The following MIPEP variants were observed in gnomAD, a reference collection of about 807,000 sequenced individuals.
MIPEP encodes the protein mitochondrial intermediate peptidase.
MIPEP carries 79 observed loss-of-function variants against 90.3 expected under a neutral mutation model. The ratio of observed to expected loss-of-function variants is 0.87; its 90% confidence interval spans 0.73 to 1.05. The LOEUF is 1.05. Ranked by LOEUF, MIPEP falls within the 50% of genes least tolerant of loss-of-function variation. MIPEP has a pLI of 0.00. For missense variants in MIPEP, 940 were observed against 905.6 expected (o/e 1.04, Z -0.49); for synonymous variants, 334 against 315.8 (o/e 1.06, Z -0.61).
chr13:23,731,422 G>A (rs903272677), intron 18 of MIPEP, among the ~76,000 whole-genome samples: 1 of 152,124 alleles, frequency 6.6e-6, no homozygotes, highest in Non-Finnish European at 1.5e-5. Context: ...GAGAGTAGTC[G>A]GCTGGGCAGA....
chr13:23,849,810 C>G (rs1869724968), intron 10 of MIPEP, among the ~76,000 whole-genome samples: 1 of 152,220 alleles, frequency 6.6e-6, no homozygotes, highest in African/African-American at 2.4e-5. Context: ...CAATGGATCA[C>G]TGTATTTATG....
At chr13:23,780,555 C>T (rs1555233105) in intron 16 of MIPEP, among the ~76,000 whole-genome samples, 1 of 152,236 alleles carries the variant, frequency 6.6e-6, no homozygotes, top group Non-Finnish European at 1.5e-5. Flanking sequence ...GCCTCTCCCC[C>T]TCCAAAGGAA....
At chr13:23,769,012 A>C (rs1952622038) in intron 16 of MIPEP, among the ~76,000 whole-genome samples, 2 of 152,242 alleles carry the variant, frequency 1.3e-5, no homozygotes, top group South Asian at 2.1e-4. Flanking sequence ...AATGAAAAAC[A>C]ACCACCACAG....
intron 18 of MIPEP, among the ~76,000 whole-genome samples, chr13:23,734,072 T>C (rs1187808151): frequency 6.6e-6 from 1 of 152,240 alleles, no homozygotes; most frequent in Non-Finnish European, 1.5e-5. Context: ...AATCTGATTA[T>C]AAATCAGGTT....
At chr13:23,731,697 T>C (rs950340745) in intron 18 of MIPEP, among the ~76,000 whole-genome samples, 4 of 152,174 alleles carry the variant, frequency 2.6e-5, no homozygotes, top group Admixed American at 6.5e-5. Context: ...AGACAAATGA[T>C]AGTTGGAAAA....
At chr13:23,869,256 C>T (rs201511254) in intron 7 of MIPEP, 36 bp downstream of exon 7, 531 of 1,521,020 alleles carry the variant, frequency 3.5e-4, no homozygotes, top group Non-Finnish European at 4.2e-4. Context: ...CATAAAAATC[C>T]TATTTTGCCC....
intron 16 of MIPEP, among the ~76,000 whole-genome samples, chr13:23,802,135 T>C (rs1294587832): frequency 2.0e-5 from 3 of 152,198 alleles, no homozygotes; most frequent in African/African-American, 4.8e-5. Flanking sequence ...AATTGTTTTA[T>C]TTTTTGCCAA....
At chr13:23,882,571 C>A (rs1871314339) in intron 2 of MIPEP, among the ~76,000 whole-genome samples, 1 of 152,046 alleles carries the variant, frequency 6.6e-6, no homozygotes, top group Non-Finnish European at 1.5e-5. Flanking sequence ...AGTGACAGTT[C>A]TTTTTTAAAA....
chr13:23,785,552 C>T (rs1303015554), intron 16 of MIPEP, among the ~76,000 whole-genome samples: 6 of 149,198 alleles, frequency 4.0e-5, no homozygotes, highest in African/African-American at 1.5e-4. Flanking sequence ...TGCAGCACAC[C>T]AACATGGCAC....
chr13:23,747,729 T>C (rs1952398872), intron 18 of MIPEP, among the ~76,000 whole-genome samples: 1 of 152,172 alleles, frequency 6.6e-6, no homozygotes, highest in Non-Finnish European at 1.5e-5. Context: ...CCCATTGTAA[T>C]CATCACAACT....
intron 14 of MIPEP, among the ~76,000 whole-genome samples, chr13:23,833,812 T>C (rs1229308377): frequency 1.3e-5 from 2 of 152,164 alleles, no homozygotes; most frequent in Non-Finnish European, 1.5e-5. Flanking sequence ...ACGCCCTGTG[T>C]TCGCGCCCCT....
At chr13:23,739,022 C>T (rs1952295654) in intron 18 of MIPEP, among the ~76,000 whole-genome samples, 1 of 152,206 alleles carries the variant, frequency 6.6e-6, no homozygotes, top group African/African-American at 2.4e-5. Flanking sequence ...CAACTGGCAA[C>T]TATAACTTGA....
chr13:23,749,059 A>AAG (rs1275594735), intron 18 of MIPEP, among the ~76,000 whole-genome samples: 1 of 152,236 alleles, frequency 6.6e-6, no homozygotes, highest in African/African-American at 2.4e-5. Flanking sequence ...CATAAATGCT[A>AAG]ACTGCATGCT....
intron 4 of MIPEP, among the ~76,000 whole-genome samples, chr13:23,878,512 A>G (rs1394830615): frequency 6.6e-6 from 1 of 152,246 alleles, no homozygotes; most frequent in Non-Finnish European, 1.5e-5. Context: ...TCAAGTTGTC[A>G]GAGGAAGTGT....
At chr13:23,879,118 A>C (rs1016505805) in intron 4 of MIPEP, 150 bp downstream of exon 4, 28 of 624,602 alleles carry the variant, frequency 4.5e-5, no homozygotes, top group Admixed American at 5.3e-5. Flanking sequence ...ATTTGAGTGG[A>C]GTCCTAGAGA....
At chr13:23,862,183 G>C (rs560895508) in intron 9 of MIPEP, 119 bp downstream of exon 9, 1 of 668,428 alleles carries the variant, frequency 1.5e-6, no homozygotes, top group Non-Finnish European at 2.7e-6. Flanking sequence ...CAAAACCGAG[G>C]ATCAGAAACA....
intron 11 of MIPEP, among the ~76,000 whole-genome samples, chr13:23,840,302 C>T (rs6490832): frequency 0.98 from 149,675 of 152,294 alleles, 73,612 homozygotes; most frequent in East Asian, 1. Context: ...TGCTTTAAAA[C>T]TACCTGCAAG....
intron 14 of MIPEP, among the ~76,000 whole-genome samples, chr13:23,810,451 C>T (rs548620145): frequency 6.6e-6 from 1 of 152,320 alleles, no homozygotes; most frequent in South Asian, 2.1e-4. Context: ...AGAGCTTGGA[C>T]ACTTAGTTTA....
chr13:23,786,291 A>T (rs1413805050), intron 16 of MIPEP, among the ~76,000 whole-genome samples: 1 of 152,218 alleles, frequency 6.6e-6, no homozygotes, highest in Non-Finnish European at 1.5e-5. Context: ...ACAAATTTAC[A>T]TAATTAAAGA....
Sources: allele counts gnomAD v4.1 joint callset (sites outside exome capture counted in the v4.1 genomes callset), GRCh38; gene constraint gnomAD v4.1.1; transcripts MANE v1.5; gene names NCBI Gene and HGNC (gene_info 2026-07-23, HGNC 2026-07-21).